PKD1: variants seen among roughly 807,000 people sequenced by gnomAD.
PKD1 encodes polycystin-1.
In PKD1, 81 loss-of-function variants were observed where a neutral mutation model predicts 361.7. The observed-to-expected ratio is 0.22, with a 90% CI of 0.19 to 0.27. The LOEUF (loss-of-function observed/expected upper bound fraction) is 0.27. Among genes scored for constraint, PKD1 ranks in the 10% least tolerant of loss-of-function variants. The pLI is 1.00. For synonymous variants in PKD1, 3,615 were observed against 2,818.3 expected (o/e 1.28, Z -8.95); for missense variants, 6,399 against 6,118.3 (o/e 1.05, Z -1.53).
At chr16:2,105,686 G>A (rs896368205) in intron 20 of PKD1, 179 bp downstream of exon 20, 43 of 1,335,052 alleles carry the variant, frequency 3.2e-5, no homozygotes, top group South Asian at 6.4e-5. Context: ...AGCAGACGCC[G>A]GAGAGGGCCC....
chr16:2,131,190 AAG>A (rs2092873680), intron 1 of PKD1, among the ~76,000 whole-genome samples: 1 of 152,158 alleles, frequency 6.6e-6, no homozygotes, highest in African/African-American at 2.4e-5. Context: ...CACAAGGAAA[AAG>A]AGAGGAAGGG....
rs2092450345 is a variant in PKD1, at chr16:2,109,661, T to A, written c.5506A>T (p.Ser1836Cys). 1 of 1,589,314 alleles carries A rather than the reference T, an allele frequency of 6.3e-7. No individual in the cohort carries two copies. The highest frequency in any genetic ancestry group is 1.3e-5 in the African/African-American group (1 of 74,526). The change falls in exon 15 of 46, where the codon AGC becomes TGC. Residue 1836 changes from serine (S) to cysteine (C), a missense_variant. By Grantham distance (112) the Ser-to-Cys change is moderately radical. Transcript: ENST00000262304. ...CCGCCGGGCACAGCCCAGCACCAGC[T>A]CACATTGGTGCCCGTGGCCAGCTGC... ...WGQLATGTNV[S>C]WCWAVPGGSS...
chr16:2,093,398 G>C, intron 37 of PKD1, 146 bp downstream of exon 37: 1 of 819,418 alleles, frequency 1.2e-6, no homozygotes, highest in Non-Finnish European at 1.9e-6. Context: ...GGGGTAGGAG[G>C]GAGACCGGGC....
intron 38 of PKD1, 118 bp downstream of exon 38, chr16:2,092,836 C>T: frequency 1.6e-6 from 2 of 1,268,894 alleles, no homozygotes; most frequent in Non-Finnish European, 2.3e-6. Context: ...GCAGCACCTA[C>T]CTCCAGTTCT....
chr16:2,097,377 C>T lies in PKD1; in HGVS notation c.10347G>A (p.Glu3449=). ...GGCTGGCCAGGGAGAAGCCGTCCTCCTCTGGGCCCAGCCCATGGCCCGCCT... is the reference window on the plus strand; with the variant it reads ...GGCTGGCCAGGGAGAAGCCGTCCTCTTCTGGGCCCAGCCCATGGCCCGCCT... ...RGQAGHGLGP[E]EDGFSLASPY... The change falls in exon 33 of 46, where the codon GAG becomes GAA. Residue 3449 remains glutamate, a synonymous_variant. Transcript: ENST00000262304. The T allele has an allele frequency of 6.2e-7, 1 of 1,611,844 alleles. No homozygotes were observed. Among genetic ancestry groups the T allele is most frequent in the Non-Finnish European group, 8.5e-7 (1 of 1,179,936 alleles).
chr16:2,117,998 G>A lies in PKD1; in HGVS notation c.994C>T (p.His332Tyr), dbSNP rs747089979. The change falls in exon 5 of 46, where the codon CAC (histidine) becomes TAC (tyrosine). Residue 332 changes from histidine (H) to tyrosine (Y), a missense_variant. Transcript: ENST00000262304. ...CCCAGGGCCAGCACGGCCGTCACGT[G>A]ATAGCGCCCAGGCAGCACATAGCGA... The part of the protein sequence containing the change: ...SHRYVLPGRY[H>Y]VTAVLALGAG... 1 of 1,581,460 alleles carries A rather than the reference G, an allele frequency of 6.3e-7. No homozygotes were observed. Among genetic ancestry groups the A allele is most frequent in the Non-Finnish European group, 8.6e-7 (1 of 1,166,686 alleles).
chr16:2,114,800 C>T lies in PKD1; in HGVS notation c.2223G>A (p.Pro741=), dbSNP rs1421430816. Residue 741 remains proline, a synonymous_variant, in exon 11 of 46, where the codon CCG becomes CCA. Transcript: ENST00000262304. The part of the protein sequence containing the change: ...PAPGHPGPRA[P]YLSANASSWL... ...ATGACGAGGCGTTGGCGGAGAGGTACGGGGCCCGGGGACCAGGGTGGCCGG... is the reference window on the plus strand; with the variant it reads ...ATGACGAGGCGTTGGCGGAGAGGTATGGGGCCCGGGGACCAGGGTGGCCGG... The T allele has an allele frequency of 1.7e-5, 17 of 1,014,768 alleles. No homozygotes were observed. The highest frequency in any genetic ancestry group is 2.9e-4 in the Middle Eastern group (1 of 3,452). 62.9% of individuals were successfully genotyped at this position (1,014,768 alleles called of 1,614,324 possible). A position where few individuals can be genotyped will look rare whatever the true frequency, so the allele number is the denominator to read the frequency against.
At chr16:2,126,148 G>A (rs1321884730) in intron 1 of PKD1, among the ~76,000 whole-genome samples, 3 of 152,242 alleles carry the variant, frequency 2.0e-5, no homozygotes, top group African/African-American at 7.2e-5. Context: ...GATGGTACGA[G>A]CCATCCTGAG....
In PKD1 at chr16:2,093,028, G is replaced by C. The variant is rs781282329; in HGVS notation, c.11082C>G (p.Cys3694Trp). The change falls in exon 38 of 46, where the codon TGC (cysteine) becomes TGG (tryptophan). Residue 3694 changes from cysteine (C) to tryptophan (W), a missense_variant. By Grantham distance (215) the Cys-to-Trp change is radical. Transcript: ENST00000262304. ...TLLASYGDASCHGHAYRLQSA... is the reference protein window; with the variant it reads ...TLLASYGDASWHGHAYRLQSA... ...TTTGCAGACGGTAGGCGTGCCCATG[G>C]CATGAGGCATCCCCATAGCTGGCCA... 1.9e-6 allele frequency: 3 copies of C among 1,612,908 alleles called. No homozygotes were observed. In the East Asian group the frequency reaches 6.7e-5, roughly 36 times the overall value.
chr16:2,090,238 G>C (rs1463677516), intron 45 of PKD1, 44 bp from the exon 46 acceptor site: 1 of 1,609,100 alleles, frequency 6.2e-7, no homozygotes, highest in Non-Finnish European at 8.5e-7. Context: ...TGCACCCTGG[G>C]CAGAGCCCAG....
rs371165780 is a variant in PKD1, at chr16:2,089,762, G to A, written c.12877C>T (p.Arg4293Trp). 109 of 1,594,222 alleles carry A rather than the reference G, an allele frequency of 6.8e-5. No homozygotes were observed. The African/African-American group carries it at 1.0e-3, about 15-fold the overall frequency. The change falls in exon 46 of 46, where the codon CGG (arginine) becomes TGG (tryptophan). Residue 4293 changes from arginine (R) to tryptophan (W), a missense_variant. Transcript: ENST00000262304. The part of the protein sequence containing the change: ...LATGPSRTPL[R>W]AKNKVHPSST ...CTGGGGTGGACCTTGTTCTTGGCCC[G>A]AAGGGGTGTCCTGCTGGGGCCAGTG...
intron 31 of PKD1, 22 bp from the exon 32 acceptor site, chr16:2,097,802 G>T (rs1454246706): frequency 1.2e-6 from 2 of 1,611,316 alleles, no homozygotes; most frequent in Non-Finnish European, 1.7e-6. Context: ...ACAGTGTCTT[G>T]AGTCCAAGCT....
chr16:2,117,974 C>T lies in PKD1; in HGVS notation c.1018G>A (p.Gly340Arg). The T allele has an allele frequency of 2.6e-6, 4 of 1,543,000 alleles. No homozygotes were observed. The highest frequency in any genetic ancestry group is 3.5e-6 in the Non-Finnish European group (4 of 1,138,704). The change falls in exon 5 of 46, where the codon GGG becomes AGG. Residue 340 changes from glycine (G) to arginine (R), a missense_variant. Coordinates refer to ENST00000262304, the MANE Select transcript of PKD1 (RefSeq NM_001009944.3). The part of the protein sequence containing the change: ...RYHVTAVLAL[G>R]AGSALLGTDV... ...GTCCCCAGCAGGGCTGAGCCGGCCC[C>T]CAGGGCCAGCACGGCCGTCACGTGA...
In PKD1 at chr16:2,090,427, A is replaced by G; in HGVS notation, c.12302T>C (p.Leu4101Pro). 1 of 1,612,580 alleles carries G rather than the reference A, an allele frequency of 6.2e-7. No individual in the cohort carries two copies. The highest frequency in any genetic ancestry group is 8.5e-7 in the Non-Finnish European group (1 of 1,179,884). ...GCGCCAGCGGAGAATAACAGCCCCC[A>G]GCCGTAGGGCGCCCCACAGCCGCAG... Reference protein sequence around the residue: ...WALRLWGALRLGAVILRWRYH... With the variant: ...WALRLWGALRPGAVILRWRYH... Residue 4101 changes from leucine to proline, a missense_variant, in exon 45 of 46, where the codon CTG (leucine) becomes CCG (proline). Physicochemically the swap from Leu to Pro is moderately conservative, Grantham distance 98 (BLOSUM62 -3). Transcript: ENST00000262304.
chr16:2,102,048 C>T lies in PKD1; in HGVS notation c.9397+13G>A. The T allele has an allele frequency of 6.5e-7, 1 of 1,528,782 alleles. No homozygotes were observed. The highest frequency in any genetic ancestry group is 1.9e-5 in the Admixed American group (1 of 52,328). The allele number at this position is 1,528,782 out of a possible 1,614,324, so 94.7% of individuals were successfully genotyped here. A position where few individuals can be genotyped will look rare whatever the true frequency, so the allele number is the denominator to read the frequency against. ...GAGCAGGGGAGGCCCTGCCACCCCG[C>T]TGCGCCCCTCACCTGAGCCCCGGCC... On this transcript the variant is annotated intron_variant, in intron 26 of 45. Transcript: ENST00000262304.
rs773830030 is a variant in PKD1, at chr16:2,100,275, G to A, written c.9603C>T (p.Ile3201=). 4.1e-5 allele frequency: 66 copies of A among 1,610,684 alleles called. No homozygotes were observed. Among genetic ancestry groups the A allele is most frequent in the Non-Finnish European group, 5.4e-5 (64 of 1,179,774 alleles). Reference sequence around the variant, plus strand: ...TGCGTGCCGTCTGCAGGTCCCTGACGATGACGTGCTGCAGGAACCAGGCAG... The same window carrying A: ...TGCGTGCCGTCTGCAGGTCCCTGACAATGACGTGCTGCAGGAACCAGGCAG... The part of the protein sequence containing the change: ...LSPAWFLQHV[I]VRDLQTARSA... The change falls in exon 28 of 46, where the codon ATC becomes ATT. Residue 3201 remains isoleucine, a synonymous_variant. Coordinates refer to ENST00000262304, the MANE Select transcript of PKD1 (RefSeq NM_001009944.3). This position sits in a 1 kb window ranked among gnomAD's most constrained non-coding sequence, Gnocchi z 4.4.
In PKD1 at chr16:2,118,535, C is replaced by A. The variant is rs565112614; in HGVS notation, c.530-73G>T. Reference sequence around the variant, plus strand: ...ACCCCACGCCCCCACATCCGCCCGCCGCACTCACAGGCTCCCATGCTGTTC... The same window carrying A: ...ACCCCACGCCCCCACATCCGCCCGCAGCACTCACAGGCTCCCATGCTGTTC... On this transcript the variant is annotated intron_variant, in intron 4 of 45. Coordinates refer to ENST00000262304, the MANE Select transcript of PKD1 (RefSeq NM_001009944.3). The surrounding 1 kb of genome is among the most constrained non-coding windows in gnomAD (Gnocchi z 6.0). 6 of 1,329,070 alleles carry A rather than the reference C, an allele frequency of 4.5e-6. No individual in the cohort carries two copies. In the East Asian group the frequency reaches 1.2e-4, roughly 28 times the overall value. 82.3% of individuals were successfully genotyped at this position (1,329,070 alleles called of 1,614,324 possible).
In PKD1 at chr16:2,097,879, G is replaced by A. The variant is rs1481358141; in HGVS notation, c.10156C>T (p.Leu3386Phe). 1.2e-6 allele frequency: 2 copies of A among 1,603,914 alleles called. No individual in the cohort carries two copies. Among genetic ancestry groups the A allele is most frequent in the Non-Finnish European group, 8.5e-7 (1 of 1,173,344 alleles). ...AGTAGAGTCCTCACCTCAGCGTGGA[G>A]GCCTGAGAACGTGAGGAAGGAGCTG... ...LDSSFLTFSGLHAEQAFVGQM... is the reference protein window; with the variant it reads ...LDSSFLTFSGFHAEQAFVGQM... Residue 3386 changes from leucine (L) to phenylalanine (F), a missense_variant, in exon 31 of 46, where the codon CTC becomes TTC. By Grantham distance (22) the Leu-to-Phe change is conservative. Coordinates refer to ENST00000262304, the MANE Select transcript of PKD1 (RefSeq NM_001009944.3).
intron 37 of PKD1, 135 bp from the exon 38 acceptor site, chr16:2,093,228 C>G (rs1206875493): frequency 1.9e-6 from 2 of 1,063,572 alleles, no homozygotes; most frequent in Non-Finnish European, 2.8e-6. Flanking sequence ...CCCCAAGACT[C>G]TACCTGGCCA....
Sources: gnomAD v4.1 joint callset for allele counts (sites outside exome capture counted in the v4.1 genomes callset) on GRCh38, gnomAD v4.1.1 for gene constraint, Gnocchi (gnomAD v3.1) non-coding constraint, MANE v1.5 for transcripts, NCBI Gene and HGNC (gene_info 2026-07-23, HGNC 2026-07-21) for gene names.